The following COL5A1 variants were observed in gnomAD, a reference collection of about 807,000 sequenced individuals.
The protein encoded by COL5A1 is collagen type V alpha 1 chain, also known as collagen alpha-1(V) chain.
In COL5A1, 16 loss-of-function variants were observed where a neutral mutation model predicts 263.7. The ratio of observed to expected loss-of-function variants is 0.06; its 90% confidence interval spans 0.04 to 0.09. The LOEUF (loss-of-function observed/expected upper bound fraction) is 0.09. Among genes scored for constraint, COL5A1 ranks in the 10% least tolerant of loss-of-function variants. The pLI, the probability that COL5A1 is intolerant of heterozygous loss-of-function variation, is 1.00. For missense variants in COL5A1, 2,036 were observed against 2,540.5 expected (o/e 0.80, Z 4.27); for synonymous variants, 1,012 against 1,004.5 (o/e 1.01, Z -0.14).
chr9:134,760,131 C>T, intron 18 of COL5A1, among the ~76,000 whole-genome samples: 1 of 124,150 alleles, frequency 8.1e-6, no homozygotes, highest in African/African-American at 3.2e-5. Context: ...CACACCCCCA[C>T]ACTCACATGT....
At chr9:134,776,325 C>T (rs1407812893) in intron 27 of COL5A1, among the ~76,000 whole-genome samples, 1 of 152,154 alleles carries the variant, frequency 6.6e-6, no homozygotes, top group African/African-American at 2.4e-5. Context: ...CTGCCAACTC[C>T]CATACATGGC....
intron 4 of COL5A1, among the ~76,000 whole-genome samples, chr9:134,715,288 C>G (rs548166650): frequency 6.6e-6 from 1 of 152,104 alleles, no homozygotes. Context: ...AGCAGTATGC[C>G]GCCAGCATGT....
chr9:134,771,157 G>C (rs1029596807), intron 25 of COL5A1, among the ~76,000 whole-genome samples: 1 of 152,254 alleles, frequency 6.6e-6, no homozygotes, highest in African/African-American at 2.4e-5. Flanking sequence ...AGGCCTGGGG[G>C]CTTCCTCGAG....
chr9:134,824,330 A>G (rs1364361783), intron 61 of COL5A1, among the ~76,000 whole-genome samples: 1 of 152,244 alleles, frequency 6.6e-6, no homozygotes, highest in African/African-American at 2.4e-5. Context: ...ATGCAAGCCC[A>G]AGGCTGCAAA....
chr9:134,782,520 G>T (rs1240849657), intron 28 of COL5A1, 147 bp from the exon 29 acceptor site: 2 of 790,052 alleles, frequency 2.5e-6, no homozygotes, highest in South Asian at 1.4e-5. Flanking sequence ...CGAGGGATGG[G>T]CCCCAAGCCC....
intron 34 of COL5A1, among the ~76,000 whole-genome samples, chr9:134,795,657 A>C (rs2132804576): frequency 6.6e-6 from 1 of 152,218 alleles, no homozygotes; most frequent in African/African-American, 2.4e-5. Context: ...TCCTCTCTTG[A>C]AAGGGGTTTG....
In COL5A1 at chr9:134,783,539, C is replaced by T. The variant is rs565444799; in HGVS notation, c.2484+819C>T. ...CCAGCAGAAGGAACCGAAGACGCCT[C>T]GGCCTCCGGTGGGCACAGCCGTGGT... is the stretch of plus-strand genomic sequence containing the variant. On this transcript the variant is annotated intron_variant, in intron 29 of 65. Coordinates refer to ENST00000371817, the MANE Select transcript of COL5A1 (RefSeq NM_000093.5). 1.8e-3 allele frequency among the ~76,000 whole-genome samples: 270 copies of T among 152,302 alleles called. 1 individual carries two copies. Among genetic ancestry groups the T allele is most frequent in the African/African-American group, 6.3e-3 (262 of 41,568 alleles).
At position 134,756,921 on chromosome 9, in the gene COL5A1, G is replaced by A. The variant is rs945781735; in HGVS notation, c.1881+103G>A. 29 of 1,148,942 alleles carry A rather than the reference G, an allele frequency of 2.5e-5. 1 individual carries two copies. The highest frequency in any genetic ancestry group is 3.8e-5 in the Non-Finnish European group (29 of 760,414). The allele number at this position is 1,148,942 out of a possible 1,614,324, so 71.2% of individuals were successfully genotyped here. ...CTGGTTATGTGATGACTACGATTAT[G>A]ATGACAGGTGGCTCCGTCACTGGCA... On this transcript the variant is annotated intron_variant, in intron 17 of 65. Coordinates refer to ENST00000371817, the MANE Select transcript of COL5A1 (RefSeq NM_000093.5).
chr9:134,695,250 C>A lies in COL5A1; in HGVS notation c.277+4171C>A, dbSNP rs185326853. Among the ~76,000 whole-genome samples the A allele has an allele frequency of 6.3e-3, 966 of 152,326 alleles. 10 individuals carry two copies. The highest frequency in any genetic ancestry group is 0.022 in the African/African-American group (912 of 41,572). ...GGTGGAGGCCACGGCTCTGCCCACA[C>A]CCCCCTGCCCCTTGGCCAACACCCT... On this transcript the variant is annotated intron_variant, in intron 2 of 65. Coordinates refer to ENST00000371817, the MANE Select transcript of COL5A1 (RefSeq NM_000093.5).
intron 1 of COL5A1, among the ~76,000 whole-genome samples, chr9:134,668,003 C>A (rs1202851729): frequency 6.6e-6 from 1 of 152,182 alleles, no homozygotes; most frequent in Non-Finnish European, 1.5e-5. Flanking sequence ...GAGTTGAGAC[C>A]TGCTCATCCA....
chr9:134,728,893 G>C, intron 6 of COL5A1, 86 bp downstream of exon 6: 1 of 1,565,774 alleles, frequency 6.4e-7, no homozygotes, highest in South Asian at 1.1e-5. Context: ...GGTTGTGTCA[G>C]GGTAGAGGGT....
rs187311489 is a variant in COL5A1 at position 134,692,167 on chromosome 9, G to A, written c.277+1088G>A. 5.2e-3 allele frequency among the ~76,000 whole-genome samples: 799 copies of A among 152,276 alleles called. 2 individuals are homozygous for A. The highest frequency in any genetic ancestry group is 7.5e-3 in the Non-Finnish European group (512 of 68,024). ...ACGAGTTATTTCAAGAAACACCTTC[G>A]AGGCACCGAGTCTCTGCCTTGCAGC... On this transcript the variant is annotated intron_variant, in intron 2 of 65. Transcript: ENST00000371817.
intron 4 of COL5A1, chr9:134,708,915 G>A (rs1199937320): frequency 2.2e-6 from 1 of 456,676 alleles, no homozygotes; most frequent in Admixed American, 2.3e-5. Context: ...GACACTCCTT[G>A]GCTTGTGGCC....
chr9:134,799,631 G>T (rs1218316263), intron 37 of COL5A1, among the ~76,000 whole-genome samples: 1 of 152,148 alleles, frequency 6.6e-6, no homozygotes, highest in African/African-American at 2.4e-5. Flanking sequence ...CTCCATGCCT[G>T]CTTTGAAAAA....
At chr9:134,764,486 TC>T (rs1836587410) in intron 20 of COL5A1, among the ~76,000 whole-genome samples, 1 of 151,974 alleles carries the variant, frequency 6.6e-6, no homozygotes, top group South Asian at 2.1e-4. Flanking sequence ...AGAGGCAGAT[TC>T]CTCCAGCAGA....
In COL5A1 at chr9:134,818,188, T is replaced by C. The variant is rs886661966; in HGVS notation, c.4230+357T>C. ...AGCCGCCTACCTCTGAAGTGGACCG[T>C]GTCCGATGGTGACCGTGTCTGCTGC... is the stretch of plus-strand genomic sequence containing the variant. On this transcript the variant is annotated intron_variant, in intron 54 of 65. Coordinates refer to ENST00000371817, the MANE Select transcript of COL5A1 (RefSeq NM_000093.5). The surrounding 1 kb of genome is among the most constrained non-coding windows in gnomAD (Gnocchi z 6.0). Among the ~76,000 whole-genome samples, 2 of 152,204 alleles carry C rather than the reference T, an allele frequency of 1.3e-5. No individual in the cohort carries two copies. The highest frequency in any genetic ancestry group is 2.9e-5 in the Non-Finnish European group (2 of 68,018).
chr9:134,664,243 A>G (rs1832292536), intron 1 of COL5A1, among the ~76,000 whole-genome samples: 1 of 152,226 alleles, frequency 6.6e-6, no homozygotes, highest in Non-Finnish European at 1.5e-5. Context: ...GCGAACTTTA[A>G]AAATGAAACC....
chr9:134,820,451 G>A (rs781532836), intron 58 of COL5A1, among the ~76,000 whole-genome samples: 6 of 152,172 alleles, frequency 3.9e-5, no homozygotes, highest in African/African-American at 7.2e-5. Flanking sequence ...ACTGGCAGGC[G>A]GGGCTTCCTC....
chr9:134,643,099 C>CGG (rs1588392770), intron 1 of COL5A1, among the ~76,000 whole-genome samples: 1 of 152,204 alleles, frequency 6.6e-6, no homozygotes, highest in South Asian at 2.1e-4. Flanking sequence ...GCTTGCTTCC[C>CGG]GGGGAGGGCG....
Sources: gnomAD v4.1 joint callset for allele counts (sites outside exome capture counted in the v4.1 genomes callset) on GRCh38, gnomAD v4.1.1 for gene constraint, Gnocchi (gnomAD v3.1) non-coding constraint, MANE v1.5 for transcripts, NCBI Gene and HGNC (gene_info 2026-07-23, HGNC 2026-07-21) for gene names.